Variants in GJA3 observed in about 807,000 individuals in gnomAD.
GJA3 encodes gap junction protein alpha 3.
For missense variants in GJA3, 571 were observed against 620.3 expected (o/e 0.92, Z 0.84); for synonymous variants, 297 against 292.6 (o/e 1.02, Z -0.15).
At chr13:20,144,722 G>A (rs1481424511) in intron 1 of GJA3, among the ~76,000 whole-genome samples, 1 of 152,154 alleles carries the variant, frequency 6.6e-6, no homozygotes, top group East Asian at 1.9e-4. Flanking sequence ...CCACAGACAC[G>A]GGATGAAGAT....
intron 1 of GJA3, among the ~76,000 whole-genome samples, chr13:20,155,720 T>A (rs576159452): frequency 1.3e-5 from 2 of 151,768 alleles, no homozygotes; most frequent in Non-Finnish European, 2.9e-5. Context: ...GCCATATTCA[T>A]AATATATAGA....
At chr13:20,157,578 C>T (rs1403437501) in intron 1 of GJA3, among the ~76,000 whole-genome samples, 1 of 152,178 alleles carries the variant, frequency 6.6e-6, no homozygotes, top group African/African-American at 2.4e-5. Context: ...ACAGAAGTGC[C>T]CAACCTCCAA....
chr13:20,149,360 C>T (rs1042249194), intron 1 of GJA3, among the ~76,000 whole-genome samples: 5 of 151,994 alleles, frequency 3.3e-5, no homozygotes, highest in African/African-American at 1.2e-4. Flanking sequence ...TGGTGCATGC[C>T]TATAGTACCA....
intron 1 of GJA3, among the ~76,000 whole-genome samples, chr13:20,150,832 C>A (rs946780370): frequency 6.6e-6 from 1 of 152,062 alleles, no homozygotes; most frequent in African/African-American, 2.4e-5. Flanking sequence ...GGTGACTCTG[C>A]GTCAGTGCCC....
Position 20,143,049 on chromosome 13 carries a change from C to G in GJA3, c.240G>C (p.Leu80=), listed in dbSNP as rs1392717574. ...FPISHIRFWA[L]QIIFVSTPTL... is the part of the protein sequence containing the mutation. ...TGGGCGTGGACACGAAGATGATCTG[C>G]AGCGCCCAGAAGCGGATGTGGGAGA... is the stretch of plus-strand genomic sequence containing the variant. Residue 80 remains leucine (L), a synonymous_variant, in exon 2 of 2, where the codon CTG becomes CTC. Transcript: ENST00000241125. The G allele has an allele frequency of 1.2e-6, 2 of 1,613,598 alleles. No individual in the cohort carries two copies. The highest frequency in any genetic ancestry group is 1.7e-5 in the Admixed American group (1 of 59,936).
chr13:20,143,376 G>A (rs1958824671), intron 1 of GJA3, 71 bp from the exon 2 acceptor site: 5 of 1,103,704 alleles, frequency 4.5e-6, no homozygotes, highest in Admixed American at 2.8e-5. Context: ...CATGGGCGGC[G>A]GCAGCGGCCT....
chr13:20,141,999 C>CGGTCTG lies in GJA3; in HGVS notation c.1284_1289dup (p.Arg429_Pro430dup). 6.5e-7 allele frequency: 1 copy of CGGTCTG among 1,550,310 alleles called. No homozygotes were observed. Among genetic ancestry groups the CGGTCTG allele is most frequent in the South Asian group, 1.2e-5 (1 of 84,034 alleles). ...CCGGGCACTAGATGGCCAAGTCCTCCGGTCTGGCCCGCCCGCTGCTGGCCC... is the reference window on the plus strand; with the variant it reads ...CCGGGCACTAGATGGCCAAGTCCTCCGGTCTGGGTCTGGCCCGCCCGCTGCTGGCCC... On this transcript the variant is annotated inframe_insertion, in exon 2 of 2. Coordinates refer to ENST00000241125, the MANE Select transcript of GJA3 (RefSeq NM_021954.4).
At position 20,140,747 on chromosome 13, in the gene GJA3, CCAGA is replaced by C. The variant is rs1013344922; in HGVS notation, c.*1230_*1233del. The C allele has an allele frequency of 6.6e-6, 1 of 152,194 alleles. No individual in the cohort carries two copies. Among genetic ancestry groups the C allele is most frequent in the Non-Finnish European group, 1.5e-5 (1 of 68,044 alleles). The allele number at this position is 152,194 out of a possible 1,614,324, so 9.4% of individuals were successfully genotyped here. ...CGCGCCCTCCCCCAGGCAGGGATCC[CCAGA>C]CACTTATATTATTTACACTGGAGAA... is the stretch of plus-strand genomic sequence containing the variant. On this transcript the variant is annotated 3_prime_UTR_variant, in exon 2 of 2. Coordinates refer to ENST00000241125, the MANE Select transcript of GJA3 (RefSeq NM_021954.4).
chr13:20,155,325 A>G (rs1014629029), intron 1 of GJA3, among the ~76,000 whole-genome samples: 5 of 152,196 alleles, frequency 3.3e-5, no homozygotes, highest in African/African-American at 9.7e-5. Flanking sequence ...ATAAGCTCAT[A>G]TAAGAATCTC....
chr13:20,156,094 C>T (rs916121146), intron 1 of GJA3, among the ~76,000 whole-genome samples: 7 of 152,008 alleles, frequency 4.6e-5, no homozygotes, highest in South Asian at 2.1e-4. Context: ...AAAGCATGTA[C>T]GACAGTGTCT....
intron 1 of GJA3, among the ~76,000 whole-genome samples, chr13:20,148,032 C>A (rs1464290939): frequency 1.3e-5 from 2 of 152,194 alleles, no homozygotes; most frequent in African/African-American, 2.4e-5. Flanking sequence ...CACGACTACA[C>A]TTCACAGTTT....
chr13:20,150,695 G>A (rs1001762329), intron 1 of GJA3, among the ~76,000 whole-genome samples: 26 of 151,752 alleles, frequency 1.7e-4, no homozygotes, highest in African/African-American at 5.6e-4. Flanking sequence ...GATCCCAGGC[G>A]GGGCTGGAGG....
rs1315903734 is a variant in GJA3 at position 20,142,175 on chromosome 13, G to C, written c.1114C>G (p.Pro372Ala). ...CTGCCGCTCCCATCCAGCAGCAGGG[G>C]CGCCGCGCCCGCCTCAGCCTCGTGC... ...LAHEAEAGAA[P>A]LLLDGSGSSL... is the part of the protein sequence containing the mutation. The change falls in exon 2 of 2, where the codon CCC becomes GCC. Residue 372 changes from proline to alanine, a missense_variant. By Grantham distance (27) the Pro-to-Ala change is conservative. Coordinates refer to ENST00000241125, the MANE Select transcript of GJA3 (RefSeq NM_021954.4). 6.6e-7 allele frequency: 1 copy of C among 1,513,116 alleles called. No homozygotes were observed. Among genetic ancestry groups the C allele is most frequent in the Non-Finnish European group, 8.8e-7 (1 of 1,132,598 alleles). 93.7% of individuals were successfully genotyped at this position (1,513,116 alleles called of 1,614,324 possible).
intron 1 of GJA3, among the ~76,000 whole-genome samples, chr13:20,150,102 A>T (rs1958867771): frequency 6.6e-6 from 1 of 152,220 alleles, no homozygotes; most frequent in Non-Finnish European, 1.5e-5. Flanking sequence ...TAAAAAAGCT[A>T]TGAACCAGAG....
At chr13:20,144,653 G>A (rs1438461097) in intron 1 of GJA3, among the ~76,000 whole-genome samples, 1 of 152,176 alleles carries the variant, frequency 6.6e-6, no homozygotes, top group Non-Finnish European at 1.5e-5. Context: ...CAGGGACCAC[G>A]GTCATACACA....
Position 20,143,166 on chromosome 13 carries a change from C to T in GJA3, c.123G>A (p.Ala41=), listed in dbSNP as rs752013600. 24 of 1,606,638 alleles carry T rather than the reference C, an allele frequency of 1.5e-5. No individual in the cohort carries two copies. The highest frequency in any genetic ancestry group is 1.9e-5 in the Non-Finnish European group (22 of 1,175,284). The change falls in exon 2 of 2, where the codon GCG becomes GCA. Residue 41 remains alanine, a synonymous_variant. Transcript: ENST00000241125. ...IFRILVLGAA[A]EDVWGDEQSD... is the part of the protein sequence containing the mutation. ...ACTGCTCATCGCCCCACACGTCCTC[C>T]GCCGCGGCCCCCAGCACCAAGATGC...
At chr13:20,155,030 T>C (rs1321726620) in intron 1 of GJA3, among the ~76,000 whole-genome samples, 1 of 152,034 alleles carries the variant, frequency 6.6e-6, no homozygotes. Flanking sequence ...TTTATTTTCA[T>C]TTTTATTTTG....
intron 1 of GJA3, among the ~76,000 whole-genome samples, chr13:20,150,563 T>G (rs1958871057): frequency 6.6e-6 from 1 of 152,238 alleles, no homozygotes; most frequent in Admixed American, 6.5e-5. Flanking sequence ...GAAGTTGTTT[T>G]ATCCTTTTAA....
chr13:20,159,849 T>C (rs550743379), intron 1 of GJA3, among the ~76,000 whole-genome samples: 182 of 152,346 alleles, frequency 1.2e-3, no homozygotes, highest in African/African-American at 4.2e-3. Context: ...AACACACTGA[T>C]ATTCGGAAAA....
Sources: allele counts gnomAD v4.1 joint callset (sites outside exome capture counted in the v4.1 genomes callset), GRCh38; gene constraint gnomAD v4.1.1; transcripts MANE v1.5; gene names NCBI Gene and HGNC (gene_info 2026-07-23, HGNC 2026-07-21).